ADCY3: variants seen among roughly 807,000 people sequenced by gnomAD.
The protein encoded by ADCY3 is adenylate cyclase 3, also known as adenylate cyclase type 3.
ADCY3 carries 70 observed loss-of-function variants against 119.4 expected under a neutral mutation model. That is an observed-to-expected ratio of 0.59 (90% CI 0.48 to 0.72). ADCY3 has a LOEUF of 0.72. Ranked by LOEUF, ADCY3 falls within the 30% of genes least tolerant of loss-of-function variation. The pLI is 0.00. For missense variants in ADCY3, 1,238 were observed against 1,541.6 expected, an observed-to-expected ratio of 0.80 and a Z score of 3.30; for synonymous variants, 672 against 621.4, an observed-to-expected ratio of 1.08 and a Z score of -1.21.
In ADCY3 at chr2:24,823,090, C is replaced by T. The variant is rs576237811; in HGVS notation, c.2883+119G>A. ...GGTGGCTGCAGAAGTCCATGTATTG[C>T]GGAAGGGGCTTATCTGGGAAAATGA... is the stretch of plus-strand genomic sequence containing the variant. On this transcript the variant is annotated intron_variant, in intron 18 of 21. Coordinates refer to ENST00000679454, the MANE Select transcript of ADCY3 (RefSeq NM_004036.5). 23 of 1,292,190 alleles carry T rather than the reference C, an allele frequency of 1.8e-5. No individual in the cohort carries two copies. The South Asian group carries it at 1.9e-4, about 11-fold the overall frequency. The allele number at this position is 1,292,190 out of a possible 1,614,324, so 80.0% of individuals were successfully genotyped here.
At chr2:24,887,994 G>A (rs1444333380) in intron 2 of ADCY3, among the ~76,000 whole-genome samples, 1 of 152,110 alleles carries the variant, frequency 6.6e-6, no homozygotes, top group Non-Finnish European at 1.5e-5. Context: ...GTGAGTCAAG[G>A]TCATTTTCAT....
chr2:24,823,491 C>CCT, intron 17 of ADCY3, 136 bp from the exon 18 acceptor site: 3 of 780,968 alleles, frequency 3.8e-6, no homozygotes, highest in Non-Finnish European at 5.3e-6. Flanking sequence ...ATTATTCCAG[C>CCT]ATTTTTTTTT....
Position 24,819,681 on chromosome 2 carries a change from T to G in ADCY3, c.*251A>C. 1 of 403,950 alleles carries G rather than the reference T, an allele frequency of 2.5e-6. No individual in the cohort carries two copies. Among genetic ancestry groups the G allele is most frequent in the Non-Finnish European group, 4.4e-6 (1 of 226,192 alleles). The allele number at this position is 403,950 out of a possible 1,614,324, so 25.0% of individuals were successfully genotyped here. On this transcript the variant is annotated 3_prime_UTR_variant, in exon 22 of 22. Transcript: ENST00000679454. ...CCCTCAGGGGCAAGGACGGCAGGGATTGGAACGAGGGCTCTGGAAGGACTG... is the reference window on the plus strand; with the variant it reads ...CCCTCAGGGGCAAGGACGGCAGGGAGTGGAACGAGGGCTCTGGAAGGACTG...
At chr2:24,856,609 G>C (rs73923445) in intron 3 of ADCY3, among the ~76,000 whole-genome samples, 1 of 152,152 alleles carries the variant, frequency 6.6e-6, no homozygotes, top group Non-Finnish European at 1.5e-5. Context: ...CACCTCTCCC[G>C]GATGAGGGGA....
chr2:24,903,149 C>CA (rs57777144), intron 2 of ADCY3, among the ~76,000 whole-genome samples: 9,498 of 95,234 alleles, frequency 0.1, 1,139 homozygotes, highest in African/African-American at 0.3. Context: ...ACTCTATCTC[C>CA]AAAAAAAAAA....
At chr2:24,847,785 C>T (rs995468275) in intron 3 of ADCY3, among the ~76,000 whole-genome samples, 1 of 152,208 alleles carries the variant, frequency 6.6e-6, no homozygotes, top group African/African-American at 2.4e-5. Flanking sequence ...TGGGGCCCCA[C>T]CAGCTCTTGA....
chr2:24,835,844 G>A (rs895641539), intron 9 of ADCY3, among the ~76,000 whole-genome samples: 6 of 151,772 alleles, frequency 4.0e-5, no homozygotes, highest in Non-Finnish European at 7.4e-5. Flanking sequence ...GCTGAGGCAG[G>A]AGAATCTCTT....
At chr2:24,897,414 ACT>A (rs1213556668) in intron 2 of ADCY3, among the ~76,000 whole-genome samples, 1 of 152,198 alleles carries the variant, frequency 6.6e-6, no homozygotes, top group East Asian at 1.9e-4. Flanking sequence ...AAGAGCCAAG[ACT>A]CTGAAACTGG....
At chr2:24,873,214 C>T (rs1048882993) in intron 2 of ADCY3, among the ~76,000 whole-genome samples, 6 of 152,238 alleles carry the variant, frequency 3.9e-5, no homozygotes, top group African/African-American at 1.2e-4. Flanking sequence ...GCTCAGATGG[C>T]TTGGGATGCG....
At chr2:24,835,876 C>G (rs1670249977) in intron 9 of ADCY3, among the ~76,000 whole-genome samples, 1 of 150,152 alleles carries the variant, frequency 6.7e-6, no homozygotes, top group Admixed American at 6.7e-5. Flanking sequence ...GCAGAGGTTG[C>G]AGTGAGCCAA....
At chr2:24,839,360 G>A (rs1670725447) in intron 7 of ADCY3, among the ~76,000 whole-genome samples, 1 of 152,232 alleles carries the variant, frequency 6.6e-6, no homozygotes, top group African/African-American at 2.4e-5. Context: ...GAAGCTCCCT[G>A]GCCCAGATGG....
Position 24,842,199 on chromosome 2 carries a change from TG to T in ADCY3, c.956+54del, listed in dbSNP as rs1671088346. ...CAGCACCTAGCGGGTCCCACAAAGA[TG>T]CAGCCCTCCACAGCCTGCTCTGCCA... On this transcript the variant is annotated intron_variant, in intron 4 of 21. Coordinates refer to ENST00000679454, the MANE Select transcript of ADCY3 (RefSeq NM_004036.5). The surrounding 1 kb of genome is among the most constrained non-coding windows in gnomAD (Gnocchi z 4.9). The T allele has an allele frequency of 2.5e-6, 4 of 1,609,434 alleles. No individual in the cohort carries two copies. Among genetic ancestry groups the T allele is most frequent in the Non-Finnish European group, 3.4e-6 (4 of 1,178,630 alleles).
intron 3 of ADCY3, among the ~76,000 whole-genome samples, chr2:24,847,387 G>A (rs1425317959): frequency 6.6e-6 from 1 of 152,138 alleles, no homozygotes; most frequent in Non-Finnish European, 1.5e-5. Context: ...TCAGCAGCAT[G>A]AATGTGGACT....
chr2:24,824,061 G>T (rs1393622683), intron 17 of ADCY3, among the ~76,000 whole-genome samples: 1 of 152,212 alleles, frequency 6.6e-6, no homozygotes, highest in Non-Finnish European at 1.5e-5. Context: ...TGAAGACGAG[G>T]GTACCGTAGA....
intron 2 of ADCY3, among the ~76,000 whole-genome samples, chr2:24,873,198 C>T (rs1280195052): frequency 6.6e-6 from 1 of 152,216 alleles, no homozygotes; most frequent in East Asian, 1.9e-4. Context: ...CTGTGTAATC[C>T]TAAAAGCTCA....
intron 3 of ADCY3, among the ~76,000 whole-genome samples, chr2:24,851,717 G>C (rs1672313273): frequency 6.6e-6 from 1 of 152,098 alleles, no homozygotes; most frequent in South Asian, 2.1e-4. Flanking sequence ...CATAGAAATG[G>C]ATCCTTCTGC....
intron 21 of ADCY3, 149 bp downstream of exon 21, chr2:24,820,575 C>T (rs550709237): frequency 6.9e-7 from 1 of 1,455,046 alleles, no homozygotes; most frequent in African/African-American, 1.4e-5. Flanking sequence ...CTAGCTATTG[C>T]AGAGATTCTT....
At chr2:24,829,325 G>T (rs769930536) in intron 13 of ADCY3, among the ~76,000 whole-genome samples, 19 of 149,592 alleles carry the variant, frequency 1.3e-4, no homozygotes, top group Non-Finnish European at 2.5e-4. Flanking sequence ...CCCCCCACTG[G>T]ACTTCTGATT....
At chr2:24,825,753 T>C (rs371059442) in intron 16 of ADCY3, 3 of 428,838 alleles carry the variant, frequency 7.0e-6, no homozygotes, top group African/African-American at 2.0e-5. Flanking sequence ...CTAGGGGATA[T>C]TGATTTGATT....
Sources: allele counts gnomAD v4.1 joint callset (sites outside exome capture counted in the v4.1 genomes callset), GRCh38; gene constraint gnomAD v4.1.1; non-coding constraint Gnocchi (gnomAD v3.1); transcripts MANE v1.5; gene names NCBI Gene and HGNC (gene_info 2026-07-23, HGNC 2026-07-21).